HMSD: variants seen among roughly 807,000 people sequenced by gnomAD.
HMSD encodes histocompatibility minor serpin domain containing.
A neutral mutation model predicts 10.0 loss-of-function variants in HMSD; 13 were observed. That is an observed-to-expected ratio of 1.31 (90% CI 0.85 to 2.08). HMSD has a LOEUF of 2.08. HMSD is among the 30% of genes most tolerant of loss of function. The pLI, the probability that HMSD is intolerant of heterozygous loss-of-function variation, is 0.00. For synonymous variants in HMSD, 51 were observed against 54.2 expected, an observed-to-expected ratio of 0.94 and a Z score of 0.26; for missense variants, 169 against 166.3, an observed-to-expected ratio of 1.02 and a Z score of -0.09.
intron 3 of HMSD, among the ~76,000 whole-genome samples, chr18:63,955,400 C>T (rs535472757): frequency 2.0e-5 from 3 of 152,072 alleles, no homozygotes; most frequent in Non-Finnish European, 2.9e-5. Context: ...TACTCTGGCC[C>T]ATTACAGACA....
At position 63,953,546 on chromosome 18, in the gene HMSD, A is replaced by G. The variant is rs1157803924; in HGVS notation, c.72+19A>G. The stretch of plus-strand genomic sequence containing the variant: ...GTCTCAGGTACGTAAAGCCACTTCA[A>G]GACAACAATAAGTGCTATCAATTTA... On this transcript the variant is annotated intron_variant, in intron 2 of 3. Transcript: ENST00000408945. The G allele has an allele frequency of 1.3e-6, 2 of 1,594,502 alleles. No individual in the cohort carries two copies. Among genetic ancestry groups the G allele is most frequent in the Non-Finnish European group, 1.7e-6 (2 of 1,162,398 alleles).
At chr18:63,955,843 T>C (rs2050355260) in intron 3 of HMSD, among the ~76,000 whole-genome samples, 1 of 152,212 alleles carries the variant, frequency 6.6e-6, no homozygotes, top group African/African-American at 2.4e-5. Context: ...GGAGGACCCC[T>C]ACAAAATGGG....
intron 3 of HMSD, among the ~76,000 whole-genome samples, chr18:63,957,310 A>C (rs1261833088): frequency 3.3e-5 from 5 of 149,598 alleles, no homozygotes; most frequent in Admixed American, 6.7e-5. Context: ...GAAGCAACAA[A>C]AAAAAAAAAT....
chr18:63,962,660 C>A (rs1292551496), downstream of HMSD, among the ~76,000 whole-genome samples: 1 of 152,186 alleles, frequency 6.6e-6, no homozygotes, highest in Admixed American at 6.5e-5. Flanking sequence ...TAAGTGGGAA[C>A]TCTAAGGCTC....
intron 1 of HMSD, among the ~76,000 whole-genome samples, chr18:63,951,056 A>G (rs1228917406): frequency 1.3e-5 from 2 of 152,252 alleles, no homozygotes; most frequent in African/African-American, 4.8e-5. Flanking sequence ...ACTGTTGTAC[A>G]GTTGTATTTT....
In HMSD at chr18:63,960,422, C is replaced by T. The variant is rs1200124227; in HGVS notation, c.*67C>T. ...AACCTTTCTTTGGAAATATTGCCAACTCGTAGACCTTTTCTCTAGCTTTAG... is the reference window on the plus strand; with the variant it reads ...AACCTTTCTTTGGAAATATTGCCAATTCGTAGACCTTTTCTCTAGCTTTAG... On this transcript the variant is annotated 3_prime_UTR_variant, in exon 4 of 4. Transcript: ENST00000408945. 4 of 1,501,734 alleles carry T rather than the reference C, an allele frequency of 2.7e-6. No individual in the cohort carries two copies. Among genetic ancestry groups the T allele is most frequent in the South Asian group, 2.6e-5 (2 of 76,444 alleles). The allele number at this position is 1,501,734 out of a possible 1,614,324, so 93.0% of individuals were successfully genotyped here. A position where few individuals can be genotyped will look rare whatever the true frequency, so the allele number is the denominator to read the frequency against.
intron 1 of HMSD, among the ~76,000 whole-genome samples, chr18:63,951,139 T>G (rs1206974805): frequency 6.6e-6 from 1 of 152,240 alleles, no homozygotes; most frequent in Non-Finnish European, 1.5e-5. Flanking sequence ...AGTTTATTAT[T>G]GTACAAATGC....
At position 63,953,514 on chromosome 18, in the gene HMSD, C is replaced by T. The variant is rs762927693; in HGVS notation, c.59C>T (p.Ala20Val). The stretch of plus-strand genomic sequence containing the variant: ...ATGGGGGCAAAGGGAAACACTGCAG[C>T]TCAGATGTCTCAGGTACGTAAAGCC... ...VFMGAKGNTAAQMSQALCFSK... is the reference protein window; with the variant it reads ...VFMGAKGNTAVQMSQALCFSK... Residue 20 changes from alanine (A) to valine (V), a missense_variant, in exon 2 of 4, where the codon GCT becomes GTT. Ala to Val is a moderately conservative substitution (Grantham distance 64, BLOSUM62 0). Coordinates refer to ENST00000408945, the MANE Select transcript of HMSD (RefSeq NM_001123366.2). The T allele has an allele frequency of 2.5e-6, 4 of 1,613,468 alleles. No individual in the cohort carries two copies. In the Admixed American group the frequency reaches 5.0e-5, roughly 20 times the overall value.
At chr18:63,950,296 G>A (rs1271018754) in intron 1 of HMSD, among the ~76,000 whole-genome samples, 1 of 151,268 alleles carries the variant, frequency 6.6e-6, no homozygotes, top group East Asian at 1.9e-4. Flanking sequence ...TGGGCCTGTA[G>A]TCCCAGCTAC....
intron 1 of HMSD, among the ~76,000 whole-genome samples, chr18:63,952,945 T>C (rs9960367): frequency 0.38 from 57,562 of 152,100 alleles, 13,199 homozygotes; most frequent in African/African-American, 0.65. Flanking sequence ...TAGTTTTTCT[T>C]CTTACAAATT....
In HMSD at chr18:63,954,399, T is replaced by G. The variant is rs1225527942; in HGVS notation, c.73-9T>G. 1 of 1,603,644 alleles carries G rather than the reference T, an allele frequency of 6.2e-7. No individual in the cohort carries two copies. Among genetic ancestry groups the G allele is most frequent in the African/African-American group, 1.3e-5 (1 of 74,730 alleles). On this transcript the variant is annotated splice_polypyrimidine_tract_variant and intron_variant, in intron 2 of 3. Coordinates refer to ENST00000408945, the MANE Select transcript of HMSD (RefSeq NM_001123366.2). ...AGAATGTGTATGTTTATTATTATTT[T>G]ATTTTCAGGCACTTTGTTTTAGTAA...
At chr18:63,954,621 TATGGGCTATGA>T in intron 3 of HMSD, 64 bp downstream of exon 3, 1 of 1,401,054 alleles carries the variant, frequency 7.1e-7, no homozygotes, top group Non-Finnish European at 9.9e-7. Flanking sequence ...GGAGAATGAA[TATGGGCTATGA>T]ATTCCTGCAG....
intron 3 of HMSD, among the ~76,000 whole-genome samples, chr18:63,967,513 C>T (rs2050415413): frequency 6.6e-6 from 1 of 152,160 alleles, no homozygotes; most frequent in Admixed American, 6.5e-5. Flanking sequence ...CAGGAAGCTC[C>T]AATTATGCCT....
At chr18:63,956,124 C>T (rs557133669) in intron 3 of HMSD, among the ~76,000 whole-genome samples, 9 of 152,240 alleles carry the variant, frequency 5.9e-5, no homozygotes, top group South Asian at 2.1e-4. Flanking sequence ...GATTGCTCTA[C>T]GCCCTCCTAG....
At chr18:63,954,158 A>G (rs1254744351) in intron 2 of HMSD, among the ~76,000 whole-genome samples, 3 of 152,238 alleles carry the variant, frequency 2.0e-5, no homozygotes, top group Admixed American at 6.5e-5. Flanking sequence ...TGCAAAAGGC[A>G]TATCCACTTA....
At chr18:63,963,063 TTTTCTTTCTCTTTC>T (rs1234300161), downstream of HMSD, among the ~76,000 whole-genome samples, 24 of 75,720 alleles carry the variant, frequency 3.2e-4, no homozygotes, top group African/African-American at 1.9e-3. Flanking sequence ...TCTTTCTTTC[TTTTCTTTCTCTTTC>T]TTTCTTTCTT....
chr18:63,955,023 A>G (rs1262166049), intron 3 of HMSD, among the ~76,000 whole-genome samples: 1 of 152,236 alleles, frequency 6.6e-6, no homozygotes, highest in Non-Finnish European at 1.5e-5. Flanking sequence ...GTTTTTGAAA[A>G]GAAAAGTACC....
intron 3 of HMSD, among the ~76,000 whole-genome samples, chr18:63,959,471 C>T (rs2050375192): frequency 1.3e-5 from 2 of 152,036 alleles, no homozygotes; most frequent in African/African-American, 4.8e-5. Context: ...TTATTGATTT[C>T]TAGTTTAATT....
chr18:63,967,778 A>C (rs1301933693), intron 3 of HMSD, among the ~76,000 whole-genome samples: 1 of 152,120 alleles, frequency 6.6e-6, no homozygotes, highest in Non-Finnish European at 1.5e-5. Context: ...GAGGCACTGA[A>C]TTATATACTC....
Sources: gnomAD v4.1 joint callset for allele counts (sites outside exome capture counted in the v4.1 genomes callset) on GRCh38, gnomAD v4.1.1 for gene constraint, MANE v1.5 for transcripts, NCBI Gene and HGNC (gene_info 2026-07-23, HGNC 2026-07-21) for gene names.